ERC2: variants seen among roughly 807,000 people sequenced by gnomAD.
ERC2 encodes the protein ERC protein 2.
Under a neutral mutation model 114.8 loss-of-function variants are expected in ERC2, and 42 were observed. That is an observed-to-expected ratio of 0.37 (90% CI 0.29 to 0.47). ERC2 has a LOEUF of 0.47. ERC2 is among the 20% of genes least tolerant of loss of function. The probability of loss-of-function intolerance (pLI) is 0.99; values close to 1 mark genes in which losing one functional copy is unlikely to be tolerated. For missense variants in ERC2, 939 were observed against 1,150.7 expected, an observed-to-expected ratio of 0.82 and a Z score of 2.66; for synonymous variants, 454 against 425.5, an observed-to-expected ratio of 1.07 and a Z score of -0.82.
intron 10 of ERC2, 85 bp from the exon 11 acceptor site, chr3:55,992,335 A>T: frequency 8.2e-7 from 1 of 1,224,398 alleles, no homozygotes; most frequent in Admixed American, 2.4e-5. Flanking sequence ...CCAGAAATTA[A>T]CTTTGGAGAG....
intron 10 of ERC2, among the ~76,000 whole-genome samples, chr3:55,996,186 C>G (rs140581868): frequency 2.6e-5 from 4 of 152,120 alleles, no homozygotes; most frequent in African/African-American, 9.7e-5. Context: ...CAATTAGCTC[C>G]CCAACAAGGT....
intron 17 of ERC2, among the ~76,000 whole-genome samples, chr3:55,593,297 G>A (rs767601608): frequency 6.6e-6 from 1 of 152,204 alleles, no homozygotes; most frequent in South Asian, 2.1e-4. Flanking sequence ...CATGGAGATG[G>A]AGAGGGAGGT....
chr3:56,238,647 G>A (rs1332185738), intron 3 of ERC2, among the ~76,000 whole-genome samples: 1 of 152,178 alleles, frequency 6.6e-6, no homozygotes, highest in African/African-American at 2.4e-5. Flanking sequence ...TAGCTTAATT[G>A]GACCATTGGC....
At chr3:56,324,396 T>C (rs568931153) in intron 2 of ERC2, among the ~76,000 whole-genome samples, 2 of 152,148 alleles carry the variant, frequency 1.3e-5, no homozygotes, top group Non-Finnish European at 2.9e-5. Flanking sequence ...CCATCGTAAG[T>C]TGAAAATATT....
chr3:56,237,821 A>G (rs2051055341), intron 3 of ERC2, among the ~76,000 whole-genome samples: 1 of 152,160 alleles, frequency 6.6e-6, no homozygotes. Flanking sequence ...CAGGGAAAGA[A>G]AACCTAAGAT....
At chr3:55,776,282 CACCATGG>C (rs1373018141) in intron 14 of ERC2, among the ~76,000 whole-genome samples, 37 of 152,068 alleles carry the variant, frequency 2.4e-4, no homozygotes, top group Admixed American at 2.1e-3. Flanking sequence ...TCTGTCTGCA[CACCATGG>C]AGAGAAGATA....
intron 3 of ERC2, among the ~76,000 whole-genome samples, chr3:56,206,206 C>CAT (rs2048724400): frequency 1.5e-5 from 1 of 66,068 alleles, no homozygotes. Context: ...CACACATACA[C>CAT]ACACACACAC....
intron 13 of ERC2, among the ~76,000 whole-genome samples, chr3:55,941,897 TAA>T (rs2066819433): frequency 6.6e-6 from 1 of 152,186 alleles, no homozygotes; most frequent in Admixed American, 6.5e-5. Context: ...TTTAAAGACA[TAA>T]GAGAGGCACA....
chr3:56,321,023 C>T (rs918544797), intron 2 of ERC2, among the ~76,000 whole-genome samples: 4 of 152,166 alleles, frequency 2.6e-5, no homozygotes, highest in African/African-American at 7.2e-5. Context: ...GTGAACCATA[C>T]GCTGTCTTGC....
chr3:56,010,646 G>A, intron 8 of ERC2, 57 bp from the exon 9 acceptor site: 1 of 1,541,692 alleles, frequency 6.5e-7, no homozygotes, highest in Non-Finnish European at 8.7e-7. Flanking sequence ...ATATGCCAAA[G>A]CATACTGTAA....
intron 7 of ERC2, among the ~76,000 whole-genome samples, chr3:56,071,726 T>A (rs2076749044): frequency 6.6e-6 from 1 of 152,184 alleles, no homozygotes; most frequent in Non-Finnish European, 1.5e-5. Flanking sequence ...CAATGTCATC[T>A]CTAGGAGAAG....
chr3:55,513,845 G>C (rs6445749), intron 17 of ERC2, among the ~76,000 whole-genome samples: 8,635 of 151,908 alleles, frequency 0.057, 333 homozygotes, highest in African/African-American at 0.1. Context: ...ATGTTGCCCA[G>C]GCTCGTCTCA....
intron 14 of ERC2, among the ~76,000 whole-genome samples, chr3:55,804,316 A>G (rs2059413026): frequency 1.3e-5 from 2 of 152,124 alleles, no homozygotes; most frequent in African/African-American, 4.8e-5. Context: ...TAAAGCTCCC[A>G]TGTACCCATT....
At chr3:55,986,911 A>G (rs1230873424) in intron 11 of ERC2, among the ~76,000 whole-genome samples, 2 of 152,096 alleles carry the variant, frequency 1.3e-5, no homozygotes, top group Non-Finnish European at 2.9e-5. Context: ...TTGCAAAAAC[A>G]AAGTGGATAA....
chr3:55,629,415 C>T lies in ERC2; in HGVS notation c.*39+54379G>A, dbSNP rs146171532. Among the ~76,000 whole-genome samples, 106 of 152,348 alleles carry T rather than the reference C, an allele frequency of 7.0e-4. No individual in the cohort carries two copies. In the Middle Eastern group the frequency reaches 0.017, roughly 24 times the overall value. On this transcript the variant is annotated intron_variant, in intron 17 of 17. Transcript: ENST00000288221. Reference sequence around the variant, plus strand: ...TAAAACACATTGAAACTTACAGTGACTTGGAGAGCATGTTAGGTAAAGTTA... The same window carrying T: ...TAAAACACATTGAAACTTACAGTGATTTGGAGAGCATGTTAGGTAAAGTTA...
intron 17 of ERC2, among the ~76,000 whole-genome samples, chr3:55,515,421 G>T (rs2052422508): frequency 6.6e-6 from 1 of 152,026 alleles, no homozygotes; most frequent in Admixed American, 6.6e-5. Context: ...AGGCTGGAGT[G>T]CAGTGGCGCA....
At chr3:56,280,733 C>G (rs2054286530) in intron 3 of ERC2, among the ~76,000 whole-genome samples, 2 of 152,148 alleles carry the variant, frequency 1.3e-5, no homozygotes, top group Admixed American at 6.5e-5. Context: ...AGGAGTACTA[C>G]TGTTACTATT....
chr3:55,839,030 G>A (rs959646150), intron 14 of ERC2, among the ~76,000 whole-genome samples: 5 of 151,464 alleles, frequency 3.3e-5, no homozygotes, highest in African/African-American at 9.7e-5. Context: ...GAAAAATTAA[G>A]GCAAGGAACA....
intron 6 of ERC2, among the ~76,000 whole-genome samples, chr3:56,096,225 A>G (rs2078054696): frequency 6.6e-6 from 1 of 152,252 alleles, no homozygotes; most frequent in African/African-American, 2.4e-5. Context: ...ACATATGATT[A>G]GTAAATTTAG....
Sources: gnomAD v4.1 joint callset for allele counts (sites outside exome capture counted in the v4.1 genomes callset) on GRCh38, gnomAD v4.1.1 for gene constraint, MANE v1.5 for transcripts, NCBI Gene and HGNC (gene_info 2026-07-23, HGNC 2026-07-21) for gene names.